The following ITGB6 variants were observed in gnomAD, a reference collection of about 807,000 sequenced individuals.
ITGB6 encodes the protein integrin beta-6.
A neutral mutation model predicts 84.5 loss-of-function variants in ITGB6; 80 were observed. The observed-to-expected ratio is 0.95, with a 90% CI of 0.79 to 1.14. ITGB6 has a LOEUF of 1.14. Ranked by LOEUF, ITGB6 falls within the 50% of genes most tolerant of loss-of-function variation. The pLI is 0.00. For missense variants in ITGB6, 1,006 were observed against 968.0 expected, an observed-to-expected ratio of 1.04 and a Z score of -0.52; for synonymous variants, 383 against 354.9, an observed-to-expected ratio of 1.08 and a Z score of -0.89.
chr2:160,120,476 T>A (rs370133117), intron 12 of ITGB6, among the ~76,000 whole-genome samples: 9 of 32,584 alleles, frequency 2.8e-4, no homozygotes, highest in African/African-American at 3.9e-4. Context: ...ATGAGATCAC[T>A]TGGACACAGG....
At chr2:160,148,830 G>A (rs866156604) in intron 7 of ITGB6, among the ~76,000 whole-genome samples, 28 of 152,312 alleles carry the variant, frequency 1.8e-4, no homozygotes, top group Admixed American at 1.5e-3. Flanking sequence ...CCACACCCAC[G>A]GAGCCTTGCT....
intron 4 of ITGB6, among the ~76,000 whole-genome samples, chr2:160,175,557 T>C (rs1685385950): frequency 6.6e-6 from 1 of 152,234 alleles, no homozygotes; most frequent in Admixed American, 6.5e-5. Flanking sequence ...TTTTATGCTT[T>C]TCATGGATGG....
chr2:160,199,683 G>T (rs1350869819), intron 1 of ITGB6, among the ~76,000 whole-genome samples: 3 of 152,146 alleles, frequency 2.0e-5, no homozygotes, highest in African/African-American at 7.2e-5. Flanking sequence ...CTCCTAAGTG[G>T]AAGATCTTGT....
chr2:160,158,871 G>C (rs934643543), intron 7 of ITGB6, among the ~76,000 whole-genome samples: 5 of 152,020 alleles, frequency 3.3e-5, no homozygotes, highest in African/African-American at 1.2e-4. Context: ...GAGGCTGAGG[G>C]GGGTGGATCA....
chr2:160,117,157 A>G (rs1052858673), intron 12 of ITGB6, among the ~76,000 whole-genome samples: 13 of 152,134 alleles, frequency 8.5e-5, no homozygotes, highest in Non-Finnish European at 1.8e-4. Flanking sequence ...CTCTGCACCA[A>G]GCGGACCTAA....
At chr2:160,150,926 C>A (rs886480170) in intron 7 of ITGB6, among the ~76,000 whole-genome samples, 1 of 152,114 alleles carries the variant, frequency 6.6e-6, no homozygotes, top group Non-Finnish European at 1.5e-5. Context: ...ATATATGCAC[C>A]TAACACAGGA....
chr2:160,179,255 TCTTA>T (rs1217197207), intron 4 of ITGB6, among the ~76,000 whole-genome samples: 1 of 152,046 alleles, frequency 6.6e-6, no homozygotes, highest in Non-Finnish European at 1.5e-5. Flanking sequence ...GATTTTCACT[TCTTA>T]CTTTTGTCTG....
At position 160,112,135 on chromosome 2, in the gene ITGB6, G is replaced by A; in HGVS notation, c.2046C>T (p.Phe682=). The change falls in exon 13 of 15, where the codon TTC becomes TTT. Residue 682 remains phenylalanine, a synonymous_variant. Transcript: ENST00000283249. ...TCCCCTCATTATCTGTAGTTATTAG[G>A]AATGTAATAAGACATTCATTTTCTC... ...LQGENECLIT[F]LITTDNEGKT... is the part of the protein sequence containing the mutation. 6.2e-7 allele frequency: 1 copy of A among 1,609,754 alleles called. No individual in the cohort carries two copies. The highest frequency in any genetic ancestry group is 8.5e-7 in the Non-Finnish European group (1 of 1,176,512).
At chr2:160,129,830 A>G (rs553718323) in intron 10 of ITGB6, among the ~76,000 whole-genome samples, 1 of 152,270 alleles carries the variant, frequency 6.6e-6, no homozygotes, top group South Asian at 2.1e-4. Flanking sequence ...TTGGTCAAAA[A>G]TCACCAAACA....
At chr2:160,186,341 T>A (rs1168832050) in intron 4 of ITGB6, among the ~76,000 whole-genome samples, 1 of 150,376 alleles carries the variant, frequency 6.6e-6, no homozygotes, top group African/African-American at 2.4e-5. Context: ...AAGACATTTA[T>A]ACGGCCAAGA....
intron 12 of ITGB6, among the ~76,000 whole-genome samples, chr2:160,119,260 A>G (rs144674197): frequency 0.67 from 101,243 of 151,804 alleles, 34,108 homozygotes; most frequent in Admixed American, 0.74. Flanking sequence ...ACCTGACTTC[A>G]AACTATACTA....
chr2:160,114,801 C>T (rs949612994), intron 12 of ITGB6, among the ~76,000 whole-genome samples: 9 of 152,224 alleles, frequency 5.9e-5, no homozygotes, highest in African/African-American at 1.9e-4. Flanking sequence ...TCACTCCCAC[C>T]CTAATACTGC....
chr2:160,110,864 G>A (rs1484207549), intron 13 of ITGB6, among the ~76,000 whole-genome samples: 1 of 152,174 alleles, frequency 6.6e-6, no homozygotes, highest in African/African-American at 2.4e-5. Flanking sequence ...GGAAGTGCCA[G>A]GCCTACCCAA....
chr2:160,151,925 T>A (rs1684438690), intron 7 of ITGB6, among the ~76,000 whole-genome samples: 1 of 152,032 alleles, frequency 6.6e-6, no homozygotes, highest in Non-Finnish European at 1.5e-5. Context: ...AATAGAACAA[T>A]AACAGGCTCC....
At chr2:160,192,000 T>C (rs1686161216) in intron 4 of ITGB6, among the ~76,000 whole-genome samples, 1 of 152,170 alleles carries the variant, frequency 6.6e-6, no homozygotes, top group Non-Finnish European at 1.5e-5. Flanking sequence ...AATGAAGATA[T>C]ATGTCATGTA....
At chr2:160,131,762 G>A (rs924284942) in intron 10 of ITGB6, among the ~76,000 whole-genome samples, 2 of 152,126 alleles carry the variant, frequency 1.3e-5, no homozygotes, top group African/African-American at 4.8e-5. Flanking sequence ...TAAATAAATC[G>A]TATTTTCTAA....
intron 12 of ITGB6, among the ~76,000 whole-genome samples, chr2:160,121,626 C>G (rs1683043423): frequency 6.6e-6 from 1 of 151,912 alleles, no homozygotes; most frequent in Non-Finnish European, 1.5e-5. Flanking sequence ...TCTACAAAAA[C>G]TACAAAAAAT....
chr2:160,183,179 T>C (rs1685754706), intron 4 of ITGB6, among the ~76,000 whole-genome samples: 4 of 152,304 alleles, frequency 2.6e-5, no homozygotes, highest in Admixed American at 6.5e-5. Flanking sequence ...AATGCCCCAA[T>C]TAAAATACAC....
chr2:160,152,886 TA>T (rs1267526844), intron 7 of ITGB6, among the ~76,000 whole-genome samples: 1 of 152,152 alleles, frequency 6.6e-6, no homozygotes, highest in Non-Finnish European at 1.5e-5. Flanking sequence ...GAACCCAATT[TA>T]CAAGGGATGT....
Sources: gnomAD v4.1 joint callset for allele counts (sites outside exome capture counted in the v4.1 genomes callset) on GRCh38, gnomAD v4.1.1 for gene constraint, MANE v1.5 for transcripts, NCBI Gene and HGNC (gene_info 2026-07-23, HGNC 2026-07-21) for gene names.